Variants in TMC5 observed in about 807,000 individuals in gnomAD.
TMC5 encodes transmembrane channel-like protein 5.
TMC5 carries 86 observed loss-of-function variants against 110.5 expected under a neutral mutation model. The observed-to-expected ratio is 0.78, with a 90% CI of 0.65 to 0.93. The LOEUF (loss-of-function observed/expected upper bound fraction) is 0.93. Ranked by LOEUF, TMC5 falls within the 40% of genes least tolerant of loss-of-function variation. The pLI is 0.00. For synonymous variants in TMC5, 455 were observed against 439.5 expected, an observed-to-expected ratio of 1.04 and a Z score of -0.44; for missense variants, 1,144 against 1,222.8, an observed-to-expected ratio of 0.94 and a Z score of 0.96.
intron 1 of TMC5, among the ~76,000 whole-genome samples, chr16:19,428,889 G>A (rs984621510): frequency 2.6e-5 from 4 of 152,214 alleles, no homozygotes; most frequent in Admixed American, 1.3e-4. Context: ...GCAGTGGCAT[G>A]ATCTCGGCTT....
rs754217363 is a variant in TMC5, at chr16:19,438,433, AAG to A, written c.-79-1523_-79-1522del. On this transcript the variant is annotated intron_variant, in intron 2 of 21. Coordinates refer to ENST00000542583, the MANE Select transcript of TMC5 (RefSeq NM_001261841.2). ...AGAAGAAAGAAAAGAAAAAGAAAGA[AAG>A]AGAAAGAAAGAAAGAAAGAAAGAAA... Among the ~76,000 whole-genome samples the A allele has an allele frequency of 6.8e-3, 343 of 50,606 alleles. 2 individuals carry two copies. The highest frequency in any genetic ancestry group is 0.011 in the Non-Finnish European group (279 of 25,350). 33.2% of individuals were successfully genotyped at this position (50,606 alleles called of 152,430 possible). A position where few individuals can be genotyped will look rare whatever the true frequency, so the allele number is the denominator to read the frequency against.
At chr16:19,481,545 A>T in intron 15 of TMC5, 80 bp downstream of exon 15, 1 of 1,070,756 alleles carries the variant, frequency 9.3e-7, no homozygotes, top group Non-Finnish European at 1.5e-6. Flanking sequence ...AAGTCCCAGA[A>T]TCTGTTGTTT....
chr16:19,475,805 T>C (rs988637102), intron 12 of TMC5, among the ~76,000 whole-genome samples: 7 of 146,250 alleles, frequency 4.8e-5, no homozygotes, highest in South Asian at 2.2e-4. Flanking sequence ...TTTCTTTCTT[T>C]TTTTTTTTTT....
intron 20 of TMC5, 109 bp from the exon 21 acceptor site, chr16:19,497,012 T>G: frequency 9.2e-7 from 1 of 1,087,008 alleles, no homozygotes; most frequent in South Asian, 1.3e-5. Context: ...TCTCATCCCT[T>G]AACTTCTATA....
intron 3 of TMC5, among the ~76,000 whole-genome samples, chr16:19,442,682 C>T (rs1967517697): frequency 6.6e-6 from 1 of 152,142 alleles, no homozygotes; most frequent in Non-Finnish European, 1.5e-5. Context: ...CAATGTTTGT[C>T]ATGTGAAGTT....
chr16:19,420,360 G>A (rs140933623), intron 1 of TMC5, among the ~76,000 whole-genome samples: 6,128 of 152,078 alleles, frequency 0.04, 164 homozygotes, highest in African/African-American at 0.071. Flanking sequence ...CCCACGTGGC[G>A]GAGGTTGCAG....
chr16:19,413,863 C>A (rs954958467), upstream of TMC5, among the ~76,000 whole-genome samples: 9 of 152,190 alleles, frequency 5.9e-5, no homozygotes, highest in Non-Finnish European at 1.3e-4. Context: ...GGCCAAGTTA[C>A]TTAACCTCTC....
intron 10 of TMC5, among the ~76,000 whole-genome samples, chr16:19,470,696 C>T (rs1430954256): frequency 1.7e-5 from 2 of 121,080 alleles, no homozygotes; most frequent in African/African-American, 6.2e-5. Context: ...GGTTGAGAAA[C>T]CCTGGTCTAT....
At chr16:19,496,844 C>G (rs1161352829) in intron 20 of TMC5, among the ~76,000 whole-genome samples, 2 of 137,542 alleles carry the variant, frequency 1.5e-5, no homozygotes, top group Non-Finnish European at 3.0e-5. Flanking sequence ...GAGCCGAGAT[C>G]ATGCCATTCC....
intron 14 of TMC5, among the ~76,000 whole-genome samples, chr16:19,481,141 G>C (rs1220496504): frequency 6.6e-6 from 1 of 152,116 alleles, no homozygotes; most frequent in African/African-American, 2.4e-5. Context: ...AATCACTTTA[G>C]CAGTACCCCC....
At chr16:19,411,829 T>C (rs888587904) in intron 1 of TMC5, among the ~76,000 whole-genome samples, 27 of 152,226 alleles carry the variant, frequency 1.8e-4, no homozygotes, top group African/African-American at 6.3e-4. Flanking sequence ...TGTTACCTTT[T>C]ATCCTTTCAA....
intron 3 of TMC5, among the ~76,000 whole-genome samples, chr16:19,441,354 A>T (rs927465815): frequency 4.2e-5 from 6 of 142,258 alleles, no homozygotes; most frequent in Admixed American, 3.7e-4. Flanking sequence ...GGGTCTTGCT[A>T]TGTCACCCAG....
chr16:19,494,496 C>T (rs1373453997), intron 20 of TMC5, 130 bp downstream of exon 20: 8 of 617,286 alleles, frequency 1.3e-5, no homozygotes, highest in Non-Finnish European at 2.3e-5. Flanking sequence ...TTAAGTATTT[C>T]TGTGGTTTTT....
Position 19,474,191 on chromosome 16 carries a change from C to T in TMC5, c.2005C>T (p.Leu669=), listed in dbSNP as rs749735873. The change falls in exon 12 of 22, where the codon CTG becomes TTG. Residue 669 remains leucine (L), a synonymous_variant. Transcript: ENST00000542583. The part of the protein sequence containing the change: ...LLPFVVSCIN[L]AVPCIYSMFR... ...GCCTTTCGTTGTGTCCTGCATTAAT[C>T]TGGCCGTGCCATGCATCTACTCCAT... is the stretch of plus-strand genomic sequence containing the variant. 15 of 1,614,028 alleles carry T rather than the reference C, an allele frequency of 9.3e-6. No homozygotes were observed. The highest frequency in any genetic ancestry group is 1.6e-4 in the Middle Eastern group (1 of 6,062).
intron 9 of TMC5, among the ~76,000 whole-genome samples, chr16:19,467,015 G>A (rs28372433): frequency 0.081 from 12,282 of 151,924 alleles, 1,110 homozygotes; most frequent in African/African-American, 0.22. Flanking sequence ...GCTTGGTGGC[G>A]CACGCCTGTG....
At chr16:19,453,011 T>TTA (rs34304163) in intron 5 of TMC5, among the ~76,000 whole-genome samples, 75,289 of 145,336 alleles carry the variant, frequency 0.52, 23,120 homozygotes, top group East Asian at 0.67. Flanking sequence ...TATATATATA[T>TTA]TATATATATA....
rs1229832761 is a variant in TMC5, at chr16:19,465,107, TCCTTCCTCCCTCCCTCC to T, written c.1486-973_1486-957del. Reference sequence around the variant, plus strand: ...TTCCTTCCTTCCTTCCTTCCTTCCTTCCTTCCTCCCTCCCTCCCTCCCTCCCTTCCTGGACCCCAAAA... The same window carrying T: ...TTCCTTCCTTCCTTCCTTCCTTCCTTCTCCCTCCCTTCCTGGACCCCAAAA... On this transcript the variant is annotated intron_variant, in intron 8 of 21. Transcript: ENST00000542583. 3.8e-4 allele frequency among the ~76,000 whole-genome samples: 33 copies of T among 86,078 alleles called. No homozygotes were observed. The Admixed American group carries it at 4.1e-3, about 11-fold the overall frequency. 56.5% of individuals were successfully genotyped at this position (86,078 alleles called of 152,430 possible). A position where few individuals can be genotyped will look rare whatever the true frequency, so the allele number is the denominator to read the frequency against.
chr16:19,490,350 C>G (rs771280302), intron 17 of TMC5, 45 bp from the exon 18 acceptor site: 22 of 1,589,866 alleles, frequency 1.4e-5, no homozygotes, highest in Non-Finnish European at 1.8e-5. Context: ...AATAACCATC[C>G]CTGAGTCTTG....
chr16:19,417,705 C>A (rs114216200), upstream of TMC5: 1 of 152,108 alleles, frequency 6.6e-6, no homozygotes, highest in African/African-American at 2.4e-5. Flanking sequence ...CAACTTGGGA[C>A]CTGAGTTAGG....
Sources: allele counts gnomAD v4.1 joint callset (sites outside exome capture counted in the v4.1 genomes callset), GRCh38; gene constraint gnomAD v4.1.1; transcripts MANE v1.5; gene names NCBI Gene and HGNC (gene_info 2026-07-23, HGNC 2026-07-21).